ZNF71: variants seen among roughly 807,000 people sequenced by gnomAD.
ZNF71 encodes endothelial zinc finger protein induced by tumor necrosis factor alpha.
ZNF71 carries 3 observed loss-of-function variants against 6.7 expected under a neutral mutation model. That is an observed-to-expected ratio of 0.45 (90% CI 0.20 to 1.16). The LOEUF (loss-of-function observed/expected upper bound fraction) is 1.16. Ranked by LOEUF, ZNF71 falls within the 50% of genes most tolerant of loss-of-function variation. The probability of loss-of-function intolerance (pLI) is 0.25; values close to 1 mark genes in which losing one functional copy is unlikely to be tolerated. For missense variants in ZNF71, 688 were observed against 728.6 expected (o/e 0.94, Z 0.64); for synonymous variants, 343 against 311.1 (o/e 1.10, Z -1.08).
chr19:56,609,001 A>T (rs887955), intron 2 of ZNF71, among the ~76,000 whole-genome samples: 5 of 152,098 alleles, frequency 3.3e-5, no homozygotes, highest in African/African-American at 1.2e-4. Context: ...TTGTCCAAAG[A>T]CTTGCCCATA....
rs1252942945 is a variant in ZNF71, at chr19:56,624,331, C to G, written c.*1574C>G. 1 of 152,174 alleles carries G rather than the reference C, an allele frequency of 6.6e-6. No individual in the cohort carries two copies. Among genetic ancestry groups the G allele is most frequent in the Non-Finnish European group, 1.5e-5 (1 of 68,044 alleles). The allele number at this position is 152,174 out of a possible 1,614,324, so 9.4% of individuals were successfully genotyped here. On this transcript the variant is annotated 3_prime_UTR_variant, in exon 4 of 4. Transcript: ENST00000599599. The stretch of plus-strand genomic sequence containing the variant: ...CATCATTGGAGCCATAGCTGTGGTT[C>G]TCTGTGATGCTCTGGCTCTCCCTTC...
chr19:56,617,111 TG>T (rs1716105574), intron 3 of ZNF71, among the ~76,000 whole-genome samples: 2 of 131,058 alleles, frequency 1.5e-5, no homozygotes, highest in South Asian at 2.8e-4. Context: ...CATTTTCTTT[TG>T]TTTTTTTTTG....
At chr19:56,620,572 C>T (rs1391740502) in intron 3 of ZNF71, among the ~76,000 whole-genome samples, 1 of 151,964 alleles carries the variant, frequency 6.6e-6, no homozygotes, top group African/African-American at 2.4e-5. Context: ...CACCCTGTCA[C>T]CCATGCTGGA....
intron 2 of ZNF71, among the ~76,000 whole-genome samples, chr19:56,604,661 G>T (rs1191874051): frequency 6.6e-6 from 1 of 152,200 alleles, no homozygotes; most frequent in Non-Finnish European, 1.5e-5. Context: ...CCGTTGCAGA[G>T]TGTGGTTCCT....
intron 2 of ZNF71, among the ~76,000 whole-genome samples, chr19:56,612,478 C>T (rs2044759234): frequency 6.6e-6 from 1 of 152,084 alleles, no homozygotes; most frequent in South Asian, 2.1e-4. Context: ...TTTACAGCAA[C>T]TTAGATGGAA....
At chr19:56,620,738 C>T (rs1306211268) in intron 3 of ZNF71, among the ~76,000 whole-genome samples, 2 of 152,020 alleles carry the variant, frequency 1.3e-5, no homozygotes, top group Admixed American at 6.5e-5. Context: ...GGTGGGGGGT[C>T]TCACTATGTT....
chr19:56,614,798 C>T (rs2044778102), intron 3 of ZNF71, among the ~76,000 whole-genome samples: 1 of 152,122 alleles, frequency 6.6e-6, no homozygotes, highest in East Asian at 1.9e-4. Context: ...AGTGCATACC[C>T]AGGAAACCAT....
chr19:56,604,784 G>A (rs1016607629), intron 2 of ZNF71, among the ~76,000 whole-genome samples: 1 of 152,216 alleles, frequency 6.6e-6, no homozygotes, highest in African/African-American at 2.4e-5. Context: ...ACCATAGAGG[G>A]ACTAGCCAGC....
intron 3 of ZNF71, among the ~76,000 whole-genome samples, chr19:56,615,770 G>A (rs1375311183): frequency 6.6e-6 from 1 of 151,908 alleles, no homozygotes; most frequent in African/African-American, 2.4e-5. Flanking sequence ...CATTATTTCT[G>A]ACTCTAAAGT....
chr19:56,604,978 G>A (rs1347949909), intron 2 of ZNF71, among the ~76,000 whole-genome samples: 1 of 152,178 alleles, frequency 6.6e-6, no homozygotes, highest in East Asian at 1.9e-4. Context: ...GTAGCAAATT[G>A]GAGCTTTCTT....
chr19:56,604,981 G>C (rs1281172624), intron 2 of ZNF71, among the ~76,000 whole-genome samples: 1 of 152,192 alleles, frequency 6.6e-6, no homozygotes, highest in Non-Finnish European at 1.5e-5. Flanking sequence ...GCAAATTGGA[G>C]CTTTCTTGCC....
Position 56,606,906 on chromosome 19 carries a change from A to C in ZNF71, c.33+5315A>C, listed in dbSNP as rs1383406066. On this transcript the variant is annotated intron_variant, in intron 2 of 3. Coordinates refer to ENST00000599599, the MANE Select transcript of ZNF71 (RefSeq NM_001370215.1). ...AAGCAGGTCCCTAAGGCCAGCCCACATTCAAGGATGGGGGAACTAGACTCC... is the reference window on the plus strand; with the variant it reads ...AAGCAGGTCCCTAAGGCCAGCCCACCTTCAAGGATGGGGGAACTAGACTCC... Among the ~76,000 whole-genome samples the C allele has an allele frequency of 2.6e-5, 4 of 152,170 alleles. No homozygotes were observed. In the East Asian group the frequency reaches 7.7e-4, roughly 29 times the overall value.
chr19:56,596,817 T>C (rs2148000946), intron 1 of ZNF71, among the ~76,000 whole-genome samples: 1 of 152,268 alleles, frequency 6.6e-6, no homozygotes, highest in African/African-American at 2.4e-5. Context: ...AGATCCCTTT[T>C]TTCCCTTTCC....
chr19:56,621,157 C>A, intron 3 of ZNF71, 111 bp from the exon 4 acceptor site: 1 of 1,110,916 alleles, frequency 9.0e-7, no homozygotes, highest in Non-Finnish European at 1.2e-6. Flanking sequence ...TCGCTCTGTG[C>A]CTTGGGCCTC....
Position 56,622,819 on chromosome 19 carries a change from T to A in ZNF71, c.*62T>A. On this transcript the variant is annotated 3_prime_UTR_variant, in exon 4 of 4. Transcript: ENST00000599599. ...GACGGACGCCAGATGGCTGCGCGCTTTGTCAGCAGTGCTGTGAGAAGTTCT... is the reference window on the plus strand; with the variant it reads ...GACGGACGCCAGATGGCTGCGCGCTATGTCAGCAGTGCTGTGAGAAGTTCT... 1 of 1,535,906 alleles carries A rather than the reference T, an allele frequency of 6.5e-7. No homozygotes were observed. Among genetic ancestry groups the A allele is most frequent in the Non-Finnish European group, 8.8e-7 (1 of 1,139,370 alleles).
In ZNF71 at chr19:56,623,394, G is replaced by C. The variant is rs113963435; in HGVS notation, c.*637G>C. 6.0e-6 allele frequency: 1 copy of C among 167,064 alleles called. No homozygotes were observed. Among genetic ancestry groups the C allele is most frequent in the Non-Finnish European group, 1.5e-5 (1 of 68,146 alleles). The allele number at this position is 167,064 out of a possible 1,614,324, so 10.3% of individuals were successfully genotyped here. On this transcript the variant is annotated 3_prime_UTR_variant, in exon 4 of 4. Transcript: ENST00000599599. ...ATGCCAAAGTTTCTTAGAGTGGTCTGTTACGTTTTTTAAAAATAAAACTTT... is the reference window on the plus strand; with the variant it reads ...ATGCCAAAGTTTCTTAGAGTGGTCTCTTACGTTTTTTAAAAATAAAACTTT...
At position 56,621,977 on chromosome 19, in the gene ZNF71, C is replaced by T. The variant is rs375499921; in HGVS notation, c.870C>T (p.Thr290=). 2.5e-6 allele frequency: 4 copies of T among 1,606,114 alleles called. No individual in the cohort carries two copies. Among genetic ancestry groups the T allele is most frequent in the East Asian group, 2.2e-5 (1 of 44,814 alleles). Residue 290 remains threonine (T), a synonymous_variant, in exon 4 of 4, where the codon ACC becomes ACT. Transcript: ENST00000599599. ...GKAFRKTSSL[T]QHERIHTGEK... is the part of the protein sequence containing the mutation. ...CCTTCCGGAAGACTTCCTCTCTCAC[C>T]CAGCACGAGCGGATCCACACGGGGG...
chr19:56,606,975 T>G (rs886998387), intron 2 of ZNF71, among the ~76,000 whole-genome samples: 1 of 152,168 alleles, frequency 6.6e-6, no homozygotes. Flanking sequence ...TCTACCCACT[T>G]ACTATTGTCT....
intron 1 of ZNF71, among the ~76,000 whole-genome samples, chr19:56,599,478 G>C (rs1474324312): frequency 2.6e-5 from 4 of 151,958 alleles, no homozygotes; most frequent in Non-Finnish European, 5.9e-5. Context: ...GAGATATTAT[G>C]GTCACCCTAA....
Sources: allele counts gnomAD v4.1 joint callset (sites outside exome capture counted in the v4.1 genomes callset), GRCh38; gene constraint gnomAD v4.1.1; transcripts MANE v1.5; gene names NCBI Gene and HGNC (gene_info 2026-07-23, HGNC 2026-07-21).